SUSD1: variants seen among roughly 807,000 people sequenced by gnomAD.
The protein encoded by SUSD1 is sushi domain containing 1.
In SUSD1, 65 loss-of-function variants were observed where a neutral mutation model predicts 86.9. That is an observed-to-expected ratio of 0.75 (90% CI 0.61 to 0.92). The LOEUF (loss-of-function observed/expected upper bound fraction) is 0.92. Among genes scored for constraint, SUSD1 ranks in the 40% least tolerant of loss-of-function variants. SUSD1 has a pLI of 0.00. For missense variants in SUSD1, 850 were observed against 929.7 expected (o/e 0.91, Z 1.11); for synonymous variants, 346 against 350.0 (o/e 0.99, Z 0.13).
intron 12 of SUSD1, among the ~76,000 whole-genome samples, chr9:112,064,221 T>C (rs1413567197): frequency 6.6e-6 from 1 of 152,054 alleles, no homozygotes; most frequent in African/African-American, 2.4e-5. Flanking sequence ...TGTGGCCTGT[T>C]AGGAACCAGG....
chr9:112,149,267 G>T lies in SUSD1; in HGVS notation c.350C>A (p.Pro117His). 1 of 1,614,144 alleles carries T rather than the reference G, an allele frequency of 6.2e-7. No individual in the cohort carries two copies. The highest frequency in any genetic ancestry group is 8.5e-7 in the Non-Finnish European group (1 of 1,180,014). ...RATNNNKTFIPNDGTFCTDID... is the reference protein window; with the variant it reads ...RATNNNKTFIHNDGTFCTDID... ...ACCTGTACAAAAGGTGCCATCGTTGGGAATGAATGTCTTGTTGTTGTTTGT... is the reference window on the plus strand; with the variant it reads ...ACCTGTACAAAAGGTGCCATCGTTGTGAATGAATGTCTTGTTGTTGTTTGT... Residue 117 changes from proline to histidine, a missense_variant, in exon 3 of 17, where the codon CCC becomes CAC. By Grantham distance (77) the Pro-to-His change is moderately conservative. Transcript: ENST00000374270.
intron 1 of SUSD1, among the ~76,000 whole-genome samples, chr9:112,171,723 T>G (rs1834054131): frequency 6.6e-6 from 1 of 152,144 alleles, no homozygotes; most frequent in Non-Finnish European, 1.5e-5. Flanking sequence ...ATTTTTGACC[T>G]GCTCTGTCCA....
chr9:112,087,817 A>G (rs1033358489), intron 10 of SUSD1, among the ~76,000 whole-genome samples: 2 of 152,252 alleles, frequency 1.3e-5, no homozygotes, highest in African/African-American at 2.4e-5. Flanking sequence ...TAAAACTACA[A>G]TTCAAGATAA....
At chr9:112,089,726 C>T (rs1337621024) in intron 10 of SUSD1, among the ~76,000 whole-genome samples, 2 of 150,568 alleles carry the variant, frequency 1.3e-5, no homozygotes, top group Non-Finnish European at 3.0e-5. Context: ...GCAGGAGAAT[C>T]GCTCGAACCC....
intron 11 of SUSD1, among the ~76,000 whole-genome samples, chr9:112,079,148 C>G (rs1829657645): frequency 6.6e-6 from 1 of 152,018 alleles, no homozygotes; most frequent in African/African-American, 2.4e-5. Flanking sequence ...CTCTCTCTCT[C>G]TCTCTGGACT....
chr9:112,128,260 T>C (rs1378905927), intron 5 of SUSD1, among the ~76,000 whole-genome samples: 2 of 151,846 alleles, frequency 1.3e-5, no homozygotes, highest in East Asian at 3.9e-4. Context: ...ACCCAGCTAA[T>C]TTTTTGTAGT....
chr9:112,167,246 A>C (rs925482498), intron 1 of SUSD1, among the ~76,000 whole-genome samples: 2 of 151,962 alleles, frequency 1.3e-5, no homozygotes, highest in African/African-American at 4.8e-5. Flanking sequence ...ACAGGCATGC[A>C]CCACCATGCC....
intron 12 of SUSD1, among the ~76,000 whole-genome samples, chr9:112,075,486 G>T (rs1589616063): frequency 6.6e-6 from 1 of 152,168 alleles, no homozygotes; most frequent in Non-Finnish European, 1.5e-5. Flanking sequence ...CAGCACTTTG[G>T]GAGGTGAGAT....
intron 5 of SUSD1, among the ~76,000 whole-genome samples, chr9:112,127,040 A>C (rs1831803721): frequency 6.6e-6 from 1 of 152,142 alleles, no homozygotes; most frequent in African/African-American, 2.4e-5. Flanking sequence ...CAGGAGTTTA[A>C]GGCATGTCAG....
intron 1 of SUSD1, among the ~76,000 whole-genome samples, chr9:112,162,080 A>G (rs1044272018): frequency 2.0e-5 from 3 of 152,212 alleles, no homozygotes; most frequent in Non-Finnish European, 4.4e-5. Context: ...TATAATATGC[A>G]CACAATAAAA....
intron 12 of SUSD1, among the ~76,000 whole-genome samples, chr9:112,077,396 G>A (rs989601802): frequency 6.6e-6 from 1 of 152,024 alleles, no homozygotes; most frequent in Non-Finnish European, 1.5e-5. Flanking sequence ...TGTGTGAAGT[G>A]GGGGTCACAG....
chr9:112,109,973 A>T (rs1021325203), intron 8 of SUSD1, among the ~76,000 whole-genome samples: 3 of 152,210 alleles, frequency 2.0e-5, no homozygotes, highest in African/African-American at 7.2e-5. Context: ...CTGCTGAACT[A>T]TTCCCAGCTA....
At chr9:112,096,142 C>T (rs998511658) in intron 10 of SUSD1, among the ~76,000 whole-genome samples, 3 of 152,154 alleles carry the variant, frequency 2.0e-5, no homozygotes, top group African/African-American at 7.2e-5. Context: ...ATTATACTTA[C>T]TACTAGTAAT....
At chr9:112,123,073 G>C (rs1564314973) in intron 6 of SUSD1, among the ~76,000 whole-genome samples, 1 of 152,172 alleles carries the variant, frequency 6.6e-6, no homozygotes, top group Non-Finnish European at 1.5e-5. Context: ...CTACTGAACT[G>C]CACACTTAAA....
chr9:112,123,783 G>A (rs1831650745), intron 6 of SUSD1, among the ~76,000 whole-genome samples: 1 of 152,142 alleles, frequency 6.6e-6, no homozygotes, highest in Admixed American at 6.6e-5. Flanking sequence ...ACTCCAGCCA[G>A]GGTGACAGAG....
chr9:112,146,037 CAGGATTCCTTGGAATCCAGGAACT>C (rs1171331124), intron 3 of SUSD1: 5 of 152,162 alleles, frequency 3.3e-5, no homozygotes, highest in Non-Finnish European at 7.3e-5. Flanking sequence ...CACCTGGATG[CAGGATTCCTTGGAATCCAGGAACT>C]AGGATTCACA....
intron 5 of SUSD1, among the ~76,000 whole-genome samples, chr9:112,142,052 C>G (rs1053322769): frequency 6.6e-6 from 1 of 151,112 alleles, no homozygotes; most frequent in African/African-American, 2.4e-5. Context: ...CCATTTAAGT[C>G]TTTGTTCTAA....
At chr9:112,077,626 T>G (rs1198744847) in intron 12 of SUSD1, among the ~76,000 whole-genome samples, 3 of 141,296 alleles carry the variant, frequency 2.1e-5, no homozygotes, top group Non-Finnish European at 4.5e-5. Context: ...TGCCTCAGCC[T>G]CCCGAGTAGC....
chr9:112,111,118 G>A (rs1441626279), intron 8 of SUSD1, among the ~76,000 whole-genome samples: 3 of 152,078 alleles, frequency 2.0e-5, no homozygotes, highest in East Asian at 1.9e-4. Context: ...TCAGCCTCCC[G>A]AGTTGCTGGG....
Sources: allele counts gnomAD v4.1 joint callset (sites outside exome capture counted in the v4.1 genomes callset), GRCh38; gene constraint gnomAD v4.1.1; transcripts MANE v1.5; gene names NCBI Gene and HGNC (gene_info 2026-07-23, HGNC 2026-07-21).